The following PTPRD variants were observed in gnomAD, a reference collection of about 807,000 sequenced individuals.
PTPRD encodes the protein protein tyrosine phosphatase receptor type D, also known as receptor-type tyrosine-protein phosphatase delta.
In PTPRD, 34 loss-of-function variants were observed where a neutral mutation model predicts 214.5. The observed-to-expected ratio is 0.16, with a 90% CI of 0.12 to 0.21. The LOEUF (loss-of-function observed/expected upper bound fraction) is 0.21, where lower values mean the gene tolerates loss of function less well. Ranked by LOEUF, PTPRD falls within the 10% of genes least tolerant of loss-of-function variation. PTPRD has a pLI of 1.00. For missense variants in PTPRD, 2,545 were observed against 2,398.7 expected, an observed-to-expected ratio of 1.06 and a Z score of -1.27; for synonymous variants, 1,128 against 845.7, an observed-to-expected ratio of 1.33 and a Z score of -5.79.
chr9:8,339,632 G>T (rs750180299), intron 42 of PTPRD, among the ~76,000 whole-genome samples: 1 of 151,962 alleles, frequency 6.6e-6, no homozygotes, highest in South Asian at 2.1e-4. Flanking sequence ...TGTTCTCTCC[G>T]GGGGCTCTAC....
chr9:9,174,562 A>T (rs1203592702), intron 10 of PTPRD, among the ~76,000 whole-genome samples: 2 of 152,180 alleles, frequency 1.3e-5, no homozygotes, highest in African/African-American at 4.8e-5. Context: ...ATATACATAA[A>T]TGCTATCTCA....
At chr9:8,953,131 G>A (rs1402956623) in intron 11 of PTPRD, among the ~76,000 whole-genome samples, 1 of 151,708 alleles carries the variant, frequency 6.6e-6, no homozygotes, top group Non-Finnish European at 1.5e-5. Context: ...AGGATGCTAT[G>A]GGAACTCATA....
intron 5 of PTPRD, among the ~76,000 whole-genome samples, chr9:9,868,994 C>G (rs905123108): frequency 3.3e-5 from 5 of 152,104 alleles, no homozygotes; most frequent in Admixed American, 2.6e-4. Context: ...TTCACCTGAA[C>G]AAATGCATCT....
At chr9:9,847,173 C>T (rs1372272315) in intron 5 of PTPRD, among the ~76,000 whole-genome samples, 2 of 151,610 alleles carry the variant, frequency 1.3e-5, no homozygotes, top group African/African-American at 4.8e-5. Context: ...AAAATTAAGC[C>T]CTGTTTTTCT....
At chr9:10,041,296 C>T (rs1344823895) in intron 3 of PTPRD, among the ~76,000 whole-genome samples, 1 of 151,812 alleles carries the variant, frequency 6.6e-6, no homozygotes, top group Non-Finnish European at 1.5e-5. Flanking sequence ...GAAGAGGTTT[C>T]AATTTTTATT....
chr9:8,783,340 T>G (rs761943376), intron 11 of PTPRD, among the ~76,000 whole-genome samples: 1 of 152,228 alleles, frequency 6.6e-6, no homozygotes, highest in Non-Finnish European at 1.5e-5. Flanking sequence ...TATTAGTAAC[T>G]TTCTGTATAT....
At chr9:8,640,569 A>C (rs536647157) in intron 12 of PTPRD, among the ~76,000 whole-genome samples, 15 of 151,200 alleles carry the variant, frequency 9.9e-5, no homozygotes, top group East Asian at 5.8e-4. Context: ...AACAAAAAAA[A>C]AAAAAACAAA....
chr9:9,203,603 C>G (rs2099943151), intron 9 of PTPRD, among the ~76,000 whole-genome samples: 1 of 152,228 alleles, frequency 6.6e-6, no homozygotes, highest in East Asian at 1.9e-4. Context: ...GGAAGCCATC[C>G]TACCATTTTT....
chr9:9,936,825 C>G (rs1378264399), intron 5 of PTPRD, among the ~76,000 whole-genome samples: 2 of 141,098 alleles, frequency 1.4e-5, no homozygotes, highest in Non-Finnish European at 3.0e-5. Context: ...GGAACCAACC[C>G]AAATGTCCAA....
chr9:9,132,117 C>T (rs945657584), intron 10 of PTPRD, among the ~76,000 whole-genome samples: 1 of 152,170 alleles, frequency 6.6e-6, no homozygotes, highest in Non-Finnish European at 1.5e-5. Context: ...ACGCCGTTCT[C>T]CTGCCTCAGC....
intron 9 of PTPRD, among the ~76,000 whole-genome samples, chr9:9,222,888 C>A (rs1267569169): frequency 6.6e-6 from 1 of 151,984 alleles, no homozygotes; most frequent in African/African-American, 2.4e-5. Context: ...TATGCCAGAA[C>A]TCTTAATGGA....
In PTPRD at chr9:10,327,171, G is replaced by GTGTATA. The variant is rs71485326; in HGVS notation, c.-545+13791_-545+13792insTATACA. Reference sequence around the variant, plus strand: ...TGCATTTGTGCACATATATGTGTGTGTATATATATATATATATATATATAT... The same window carrying GTGTATA: ...TGCATTTGTGCACATATATGTGTGTGTGTATATATATATATATATATATATATATAT... On this transcript the variant is annotated intron_variant, in intron 3 of 45. Transcript: ENST00000381196. 1.1e-3 allele frequency among the ~76,000 whole-genome samples: 157 copies of GTGTATA among 142,906 alleles called. No individual in the cohort carries two copies. The South Asian group carries it at 0.013, about 12-fold the overall frequency. The allele number at this position is 142,906 out of a possible 152,430, so 93.8% of individuals were successfully genotyped here. A position where few individuals can be genotyped will look rare whatever the true frequency, so the allele number is the denominator to read the frequency against.
At chr9:8,589,123 C>T (rs1432856869) in intron 14 of PTPRD, among the ~76,000 whole-genome samples, 2 of 152,114 alleles carry the variant, frequency 1.3e-5, no homozygotes, top group Non-Finnish European at 2.9e-5. Context: ...ATTTCTAGCG[C>T]AAAGGAAAAT....
chr9:8,494,732 G>C (rs573572516), intron 26 of PTPRD, among the ~76,000 whole-genome samples: 5 of 152,342 alleles, frequency 3.3e-5, no homozygotes, highest in Non-Finnish European at 7.3e-5. Flanking sequence ...GAGGATAACA[G>C]ACATAACGCA....
At chr9:8,725,363 T>C (rs2098545955) in intron 12 of PTPRD, among the ~76,000 whole-genome samples, 1 of 152,204 alleles carries the variant, frequency 6.6e-6, no homozygotes, top group South Asian at 2.1e-4. Flanking sequence ...TTAATCCACA[T>C]TTTATCCTCA....
intron 5 of PTPRD, among the ~76,000 whole-genome samples, chr9:9,862,776 A>C (rs1027001335): frequency 1.6e-4 from 24 of 152,274 alleles, no homozygotes; most frequent in African/African-American, 4.6e-4. Context: ...ACTTAACCAA[A>C]GTATGTATTG....
chr9:10,243,984 T>C (rs979532138), intron 3 of PTPRD, among the ~76,000 whole-genome samples: 43 of 151,758 alleles, frequency 2.8e-4, no homozygotes, highest in Admixed American at 2.7e-3. Flanking sequence ...AGCTTGTTCA[T>C]CTCTAAAGTA....
At chr9:8,846,819 C>G (rs528715718) in intron 11 of PTPRD, among the ~76,000 whole-genome samples, 18 of 152,166 alleles carry the variant, frequency 1.2e-4, no homozygotes, top group Admixed American at 1.0e-3. Flanking sequence ...AGGCCAGGTG[C>G]CTTTTGGTAA....
At chr9:8,407,051 T>C (rs989684657) in intron 35 of PTPRD, among the ~76,000 whole-genome samples, 1 of 152,240 alleles carries the variant, frequency 6.6e-6, no homozygotes, top group African/African-American at 2.4e-5. Flanking sequence ...TGTTAACTCA[T>C]GTCCATTTCC....
Sources: allele counts gnomAD v4.1 joint callset (sites outside exome capture counted in the v4.1 genomes callset), GRCh38; gene constraint gnomAD v4.1.1; transcripts MANE v1.5; gene names NCBI Gene and HGNC (gene_info 2026-07-23, HGNC 2026-07-21).